The following CNTNAP3 variants were observed in gnomAD, a reference collection of about 807,000 sequenced individuals.
CNTNAP3 encodes the protein contactin-associated protein-like 3.
In CNTNAP3, 36 loss-of-function variants were observed where a neutral mutation model predicts 92.1. The observed-to-expected ratio is 0.39, with a 90% CI of 0.30 to 0.52. The LOEUF (loss-of-function observed/expected upper bound fraction) is 0.52. Ranked by LOEUF, CNTNAP3 falls within the 20% of genes least tolerant of loss-of-function variation. CNTNAP3 has a pLI of 0.76. For missense variants in CNTNAP3, 534 were observed against 1,069.6 expected (o/e 0.50, Z 6.98); for synonymous variants, 232 against 422.3 (o/e 0.55, Z 5.53).
At position 39,068,243 on chromosome 9, in the gene CNTNAP3, C is replaced by CAAAAAAAAAAAAAAAAAAAAAAAA. The variant is rs1198106886; in HGVS notation, c.*5646_*5647insTTTTTTTTTTTTTTTTTTTTTTTT. The stretch of plus-strand genomic sequence containing the variant: ...TGAAACCTTGCCTCCACTAAAAATA[C>CAAAAAAAAAAAAAAAAAAAAAAAA]AAAAAAAAAAAAAAAAAAAAAAATT... On this transcript the variant is annotated 3_prime_UTR_variant, in exon 24 of 24. Transcript: ENST00000297668. Among the ~76,000 whole-genome samples, 12 of 129,318 alleles carry CAAAAAAAAAAAAAAAAAAAAAAAA rather than the reference C, an allele frequency of 9.3e-5. No homozygotes were observed. Among genetic ancestry groups the CAAAAAAAAAAAAAAAAAAAAAAAA allele is most frequent in the South Asian group, 2.5e-4 (1 of 4,074 alleles). 84.8% of individuals were successfully genotyped at this position (129,318 alleles called of 152,430 possible).
chr9:39,117,046 G>A (rs1472309973), intron 14 of CNTNAP3, among the ~76,000 whole-genome samples: 1 of 152,018 alleles, frequency 6.6e-6, no homozygotes, highest in Middle Eastern at 3.2e-3. Flanking sequence ...AGGCTGGAGT[G>A]CAGTGGCGCG....
chr9:39,107,474 A>AT (rs1354519900), intron 15 of CNTNAP3, among the ~76,000 whole-genome samples: 2 of 152,176 alleles, frequency 1.3e-5, no homozygotes, highest in Non-Finnish European at 2.9e-5. Flanking sequence ...GAAAAATTTC[A>AT]TAAGAGTTTT....
intron 18 of CNTNAP3, among the ~76,000 whole-genome samples, chr9:39,089,208 G>C (rs1587701083): frequency 6.6e-6 from 1 of 152,058 alleles, no homozygotes; most frequent in African/African-American, 2.4e-5. Flanking sequence ...GTCATTCTCT[G>C]TTTCTCCCCA....
chr9:39,147,371 A>T (rs1758296), intron 10 of CNTNAP3, among the ~76,000 whole-genome samples: 1 of 151,106 alleles, frequency 6.6e-6, no homozygotes, highest in Non-Finnish European at 1.5e-5. Context: ...TTCAAAACTT[A>T]ATGTAAAGGG....
chr9:39,098,479 C>T (rs1826376627), intron 18 of CNTNAP3, among the ~76,000 whole-genome samples: 1 of 152,004 alleles, frequency 6.6e-6, no homozygotes, highest in Non-Finnish European at 1.5e-5. Flanking sequence ...ACTGGAGGAC[C>T]ATTTTCCATT....
chr9:39,104,828 T>C (rs1489740193), intron 15 of CNTNAP3, among the ~76,000 whole-genome samples: 2 of 152,164 alleles, frequency 1.3e-5, no homozygotes, highest in Non-Finnish European at 2.9e-5. Flanking sequence ...CCTCAGTGTG[T>C]CGCAGCAGCA....
intron 12 of CNTNAP3, chr9:39,139,612 AAC>A (rs1256751572): frequency 4.6e-5 from 7 of 152,180 alleles, no homozygotes; most frequent in Non-Finnish European, 1.0e-4. Context: ...AATAAATGAG[AAC>A]AGTTTATTCC....
chr9:39,108,246 C>G (rs1043822217), intron 15 of CNTNAP3, among the ~76,000 whole-genome samples: 1 of 151,926 alleles, frequency 6.6e-6, no homozygotes, highest in African/African-American at 2.4e-5. Context: ...GTCCGGGACT[C>G]CTTCATCAAG....
intron 13 of CNTNAP3, among the ~76,000 whole-genome samples, chr9:39,126,456 C>T (rs1188200331): frequency 2.6e-5 from 4 of 152,068 alleles, no homozygotes; most frequent in Admixed American, 2.0e-4. Context: ...CATGGGCCAG[C>T]ATTACCCTAA....
chr9:39,278,450 T>C lies in CNTNAP3; in HGVS notation c.85+9530A>G, dbSNP rs1391737256. ...TATTCACAGAATTGGAAAAAACTAC[T>C]TTAAAGTTCATTTGGAACCAAAAAA... is the stretch of plus-strand genomic sequence containing the variant. On this transcript the variant is annotated intron_variant, in intron 1 of 23. Transcript: ENST00000297668. Among the ~76,000 whole-genome samples, 3 of 45,402 alleles carry C rather than the reference T, an allele frequency of 6.6e-5. 1 individual carries two copies. The highest frequency in any genetic ancestry group is 1.3e-4 in the African/African-American group (3 of 23,420). The allele number at this position is 45,402 out of a possible 152,430, so 29.8% of individuals were successfully genotyped here. A position where few individuals can be genotyped will look rare whatever the true frequency, so the allele number is the denominator to read the frequency against.
At chr9:39,106,135 C>G (rs1826599974) in intron 15 of CNTNAP3, among the ~76,000 whole-genome samples, 1 of 152,128 alleles carries the variant, frequency 6.6e-6, no homozygotes, top group East Asian at 1.9e-4. Flanking sequence ...TGCAGATCCC[C>G]TAGTCCCAGC....
At position 39,149,839 on chromosome 9, in the gene CNTNAP3, T is replaced by C; in HGVS notation, c.1616A>G (p.Asp539Gly). ...VQQGALGSFR[D>G]LQIDSCGITD... ...GATGCCGCAGGAGTCTATCTGGAGG[T>C]CCCTGAAACTCCCCAGCGCCCCCTG... The change falls in exon 10 of 24, where the codon GAC becomes GGC. Residue 539 changes from aspartate to glycine, a missense_variant. Transcript: ENST00000297668. 1 of 1,599,744 alleles carries C rather than the reference T, an allele frequency of 6.3e-7. No homozygotes were observed. The highest frequency in any genetic ancestry group is 8.5e-7 in the Non-Finnish European group (1 of 1,173,648).
intron 18 of CNTNAP3, among the ~76,000 whole-genome samples, chr9:39,098,220 T>C (rs1321518965): frequency 6.8e-6 from 1 of 146,512 alleles, no homozygotes; most frequent in Non-Finnish European, 1.5e-5. Context: ...CAGATTCTCT[T>C]AAAACACTTT....
Position 39,070,359 on chromosome 9 carries a change from GAC to G in CNTNAP3, c.*3529_*3530del, listed in dbSNP as rs1825611676. On this transcript the variant is annotated 3_prime_UTR_variant, in exon 24 of 24. Coordinates refer to ENST00000297668, the MANE Select transcript of CNTNAP3 (RefSeq NM_033655.5). ...AAGAGAATGAGATCCTGTCACTTGCGACAGCATGGATGGAACTGGAGGTCATT... is the reference window on the plus strand; with the variant it reads ...AAGAGAATGAGATCCTGTCACTTGCGAGCATGGATGGAACTGGAGGTCATT... Among the ~76,000 whole-genome samples, 1 of 131,812 alleles carries G rather than the reference GAC, an allele frequency of 7.6e-6. No individual in the cohort carries two copies. The highest frequency in any genetic ancestry group is 1.6e-5 in the Non-Finnish European group (1 of 63,420). 86.5% of individuals were successfully genotyped at this position (131,812 alleles called of 152,430 possible).
At chr9:39,101,661 G>A (rs935406245) in intron 17 of CNTNAP3, among the ~76,000 whole-genome samples, 3 of 148,724 alleles carry the variant, frequency 2.0e-5, no homozygotes, top group Admixed American at 6.7e-5. Context: ...GCCTGGCCGC[G>A]GGGGAGGTGC....
chr9:39,152,958 G>A (rs1030584376), intron 9 of CNTNAP3, among the ~76,000 whole-genome samples: 4 of 109,272 alleles, frequency 3.7e-5, no homozygotes, highest in African/African-American at 1.3e-4. Flanking sequence ...AAGCCACAGC[G>A]CCCAGCCAGG....
chr9:39,126,544 A>T (rs1821157573), intron 13 of CNTNAP3, among the ~76,000 whole-genome samples: 1 of 152,182 alleles, frequency 6.6e-6, no homozygotes, highest in African/African-American at 2.4e-5. Flanking sequence ...AGCAATCCTT[A>T]AAAAATATTA....
In CNTNAP3 at chr9:39,066,170, C is replaced by T. The variant is rs975146213; in HGVS notation, c.*7720G>A. ...CTAGCATTTGCTTTAGGGATTACACCATACAGATGTTTTAACTTAAAGATA... is the reference window on the plus strand; with the variant it reads ...CTAGCATTTGCTTTAGGGATTACACTATACAGATGTTTTAACTTAAAGATA... On this transcript the variant is annotated 3_prime_UTR_variant, in exon 24 of 24. Transcript: ENST00000297668. Among the ~76,000 whole-genome samples the T allele has an allele frequency of 1.3e-4, 20 of 152,256 alleles. No individual in the cohort carries two copies. The East Asian group carries it at 3.9e-3, about 29-fold the overall frequency.
At chr9:39,106,983 A>G (rs1826620080) in intron 15 of CNTNAP3, among the ~76,000 whole-genome samples, 1 of 152,122 alleles carries the variant, frequency 6.6e-6, no homozygotes. Context: ...CTCTTAGATT[A>G]TGGGAAAAAA....
Sources: allele counts gnomAD v4.1 joint callset (sites outside exome capture counted in the v4.1 genomes callset), GRCh38; gene constraint gnomAD v4.1.1; transcripts MANE v1.5; gene names NCBI Gene and HGNC (gene_info 2026-07-23, HGNC 2026-07-21).